Variants in LRP1B observed in about 807,000 individuals in gnomAD.
LRP1B encodes LDL receptor related protein 1B, also known as low-density lipoprotein receptor-related protein 1B.
Under a neutral mutation model 556.6 loss-of-function variants are expected in LRP1B, and 217 were observed. That is an observed-to-expected ratio of 0.39 (90% confidence interval 0.35 to 0.44). The LOEUF (loss-of-function observed/expected upper bound fraction) is 0.44, where lower values mean the gene tolerates loss of function less well. Among genes scored for constraint, LRP1B ranks in the 20% least tolerant of loss-of-function variants. The pLI is 1.00. For synonymous variants in LRP1B, 2,047 were observed against 1,865.8 expected (o/e 1.10, Z -2.50); for missense variants, 5,053 against 5,620.8 (o/e 0.90, Z 3.23).
chr2:141,691,465 A>AACACAC (rs10522926), intron 2 of LRP1B, among the ~76,000 whole-genome samples: 5 of 133,178 alleles, frequency 3.8e-5, no homozygotes, highest in African/African-American at 1.2e-4. Context: ...GTAATCAGCC[A>AACACAC]ACACACACAC....
At chr2:141,510,763 T>A (rs1267612483) in intron 2 of LRP1B, among the ~76,000 whole-genome samples, 1 of 151,942 alleles carries the variant, frequency 6.6e-6, no homozygotes, top group Non-Finnish European at 1.5e-5. Flanking sequence ...AGTTACTGAT[T>A]TCTTCCATTA....
At chr2:142,022,908 C>T (rs1368498467) in intron 1 of LRP1B, among the ~76,000 whole-genome samples, 1 of 152,116 alleles carries the variant, frequency 6.6e-6, no homozygotes, top group Non-Finnish European at 1.5e-5. Context: ...ATGTCCTTTC[C>T]TCATGATCTG....
chr2:140,478,101 G>A (rs1688045941), intron 59 of LRP1B, among the ~76,000 whole-genome samples: 1 of 149,326 alleles, frequency 6.7e-6, no homozygotes, highest in African/African-American at 2.5e-5. Context: ...TGAGAAAAAT[G>A]ACGTTTTATT....
chr2:141,717,097 C>A (rs1037822629), intron 2 of LRP1B, among the ~76,000 whole-genome samples: 35 of 152,030 alleles, frequency 2.3e-4, no homozygotes, highest in African/African-American at 7.5e-4. Context: ...TTTTATTTTT[C>A]TAAAGCTCAG....
chr2:140,445,926 T>C (rs568674534), intron 63 of LRP1B, among the ~76,000 whole-genome samples: 5 of 152,294 alleles, frequency 3.3e-5, no homozygotes, highest in South Asian at 4.1e-4. Flanking sequence ...AATCAGTGAA[T>C]CAAACACTAA....
chr2:140,348,498 ATT>A, intron 77 of LRP1B, among the ~76,000 whole-genome samples: 1 of 151,968 alleles, frequency 6.6e-6, no homozygotes, highest in Non-Finnish European at 1.5e-5. Context: ...ACTGTTATGC[ATT>A]TTTCTTCTTT....
rs568277348 is a variant in LRP1B, at chr2:140,354,643, A to T, written c.11531-1571T>A. On this transcript the variant is annotated intron_variant, in intron 75 of 90. Coordinates refer to ENST00000389484, the MANE Select transcript of LRP1B (RefSeq NM_018557.3). ...AGCAGTATTCTGCATGATTTCATAC[A>T]ACCTCAACTTCCTCACTTGTCATTA... is the stretch of plus-strand genomic sequence containing the variant. Among the ~76,000 whole-genome samples the T allele has an allele frequency of 1.8e-3, 277 of 152,016 alleles. 7 individuals are homozygous for T. The Middle Eastern group carries it at 0.037, about 21-fold the overall frequency.
intron 3 of LRP1B, among the ~76,000 whole-genome samples, chr2:141,313,637 C>A (rs1411973084): frequency 1.3e-5 from 2 of 152,160 alleles, no homozygotes; most frequent in African/African-American, 2.4e-5. Context: ...TTAAAATTAA[C>A]TGGCAGCTTA....
intron 1 of LRP1B, among the ~76,000 whole-genome samples, chr2:141,988,507 T>C (rs998701252): frequency 6.6e-6 from 1 of 152,070 alleles, no homozygotes; most frequent in Non-Finnish European, 1.5e-5. Context: ...TTGAAGTTTG[T>C]AGAAATGGTC....
intron 2 of LRP1B, among the ~76,000 whole-genome samples, chr2:141,747,872 A>C (rs1294180189): frequency 6.6e-6 from 1 of 152,166 alleles, no homozygotes; most frequent in African/African-American, 2.4e-5. Context: ...CAAGGCAAAG[A>C]GATTGTGAAG....
At chr2:141,127,869 A>G (rs1461410929) in intron 7 of LRP1B, among the ~76,000 whole-genome samples, 1 of 152,202 alleles carries the variant, frequency 6.6e-6, no homozygotes, top group African/African-American at 2.4e-5. Context: ...TACTCTCTCT[A>G]GCTCTCTGAG....
intron 37 of LRP1B, among the ~76,000 whole-genome samples, chr2:140,707,015 A>T (rs1244676871): frequency 6.6e-6 from 1 of 152,134 alleles, no homozygotes; most frequent in East Asian, 1.9e-4. Context: ...AACAGTATTA[A>T]ATGTTATCCT....
intron 2 of LRP1B, among the ~76,000 whole-genome samples, chr2:141,803,444 T>C (rs1199555953): frequency 1.3e-5 from 2 of 151,870 alleles, no homozygotes; most frequent in African/African-American, 4.8e-5. Flanking sequence ...GTCAATGCTT[T>C]TTGGCCTCTC....
At chr2:140,439,898 T>C (rs1430231857) in intron 66 of LRP1B, among the ~76,000 whole-genome samples, 3 of 152,106 alleles carry the variant, frequency 2.0e-5, no homozygotes, top group Admixed American at 2.0e-4. Context: ...AAATTTACAA[T>C]GATTATTTTA....
Position 140,233,006 on chromosome 2 carries a change from A to G in LRP1B, c.*180T>C, listed in dbSNP as rs953298779. 29 of 434,760 alleles carry G rather than the reference A, an allele frequency of 6.7e-5. 1 individual carries two copies. The Admixed American group carries it at 8.2e-4, about 12-fold the overall frequency. The allele number at this position is 434,760 out of a possible 1,614,324, so 26.9% of individuals were successfully genotyped here. ...TTCTTTTTCATAAAAATACCATACA[A>G]ATGGTCAATCAATAGTCATCAGCAA... On this transcript the variant is annotated 3_prime_UTR_variant, in exon 91 of 91. Transcript: ENST00000389484.
rs576995663 is a variant in LRP1B at position 142,017,600 on chromosome 2, C to T, written c.82+113048G>A. On this transcript the variant is annotated intron_variant, in intron 1 of 90. Transcript: ENST00000389484. ...ATATTTGTGAGTTGTCATTCGGTCA[C>T]GGAGATTCACACTGGTAATCCCAGC... 5.3e-5 allele frequency among the ~76,000 whole-genome samples: 8 copies of T among 152,112 alleles called. No homozygotes were observed. The East Asian group carries it at 5.8e-4, about 11-fold the overall frequency.
chr2:141,995,951 C>T (rs1702477357), intron 1 of LRP1B, among the ~76,000 whole-genome samples: 1 of 152,024 alleles, frequency 6.6e-6, no homozygotes, highest in African/African-American at 2.4e-5. Context: ...TGATCTTATA[C>T]CCATTAAGAA....
intron 3 of LRP1B, among the ~76,000 whole-genome samples, chr2:141,312,835 C>T (rs568412322): frequency 6.6e-6 from 1 of 152,002 alleles, no homozygotes; most frequent in Non-Finnish European, 1.5e-5. Context: ...ATTACAGGTG[C>T]CTGCCTGGAT....
At chr2:140,473,001 A>G (rs938868709) in intron 60 of LRP1B, among the ~76,000 whole-genome samples, 2 of 152,108 alleles carry the variant, frequency 1.3e-5, no homozygotes, top group African/African-American at 4.8e-5. Flanking sequence ...AGTTATCGAT[A>G]TAAATGTCTC....
Sources: allele counts gnomAD v4.1 joint callset (sites outside exome capture counted in the v4.1 genomes callset), GRCh38; gene constraint gnomAD v4.1.1; transcripts MANE v1.5; gene names NCBI Gene and HGNC (gene_info 2026-07-23, HGNC 2026-07-21).